ACACA: variants seen among roughly 807,000 people sequenced by gnomAD.
ACACA encodes the protein acetyl-CoA carboxylase alpha, also known as acetyl-CoA carboxylase 1.
A neutral mutation model predicts 296.1 loss-of-function variants in ACACA; 103 were observed. That is an observed-to-expected ratio of 0.35 (90% CI 0.30 to 0.41). The LOEUF (loss-of-function observed/expected upper bound fraction) is 0.41. Ranked by LOEUF, ACACA falls within the 10% of genes least tolerant of loss-of-function variation. ACACA has a pLI of 1.00. For synonymous variants in ACACA, 953 were observed against 1,038.6 expected (o/e 0.92, Z 1.58); for missense variants, 1,554 against 2,989.7 (o/e 0.52, Z 11.20).
chr17:37,400,756 G>C (rs1206626821), intron 1 of ACACA, among the ~76,000 whole-genome samples: 1 of 151,960 alleles, frequency 6.6e-6, no homozygotes, highest in African/African-American at 2.4e-5. Context: ...GTGTGTGTGT[G>C]TGTGTATCTA....
chr17:37,296,092 G>A (rs1439695266), intron 3 of ACACA, among the ~76,000 whole-genome samples: 1 of 152,098 alleles, frequency 6.6e-6, no homozygotes, highest in East Asian at 1.9e-4. Flanking sequence ...TACACCCTGT[G>A]TAAATAAAGA....
chr17:37,244,883 T>A, intron 20 of ACACA, 149 bp from the exon 21 acceptor site: 1 of 1,369,716 alleles, frequency 7.3e-7, no homozygotes, highest in South Asian at 1.2e-5. Flanking sequence ...ATAAGGAAAT[T>A]ACAGAATCTT....
intron 52 of ACACA, among the ~76,000 whole-genome samples, chr17:37,102,454 G>C (rs764455217): frequency 1.3e-5 from 2 of 151,956 alleles, no homozygotes; most frequent in Non-Finnish European, 2.9e-5. Context: ...TGCCTGCCTC[G>C]GCCTCCAAAA....
In ACACA at chr17:37,098,068, C is replaced by T. The variant is rs542513435; in HGVS notation, c.6566-84G>A. ...AAAGCAGCCACAATCACGGGAAGCTCAACATCAGCCTGCCCCCTCTTCCCT... is the reference window on the plus strand; with the variant it reads ...AAAGCAGCCACAATCACGGGAAGCTTAACATCAGCCTGCCCCCTCTTCCCT... On this transcript the variant is annotated intron_variant, in intron 52 of 55. Coordinates refer to ENST00000616317, the MANE Select transcript of ACACA (RefSeq NM_198834.3). 5.2e-5 allele frequency: 81 copies of T among 1,543,844 alleles called. No homozygotes were observed. In the South Asian group the frequency reaches 8.4e-4, roughly 16 times the overall value.
At chr17:37,245,634 T>C (rs961427258) in intron 19 of ACACA, among the ~76,000 whole-genome samples, 4 of 152,078 alleles carry the variant, frequency 2.6e-5, no homozygotes, top group African/African-American at 9.7e-5. Flanking sequence ...TTCTAAACCT[T>C]TCTCAAAAAT....
intron 1 of ACACA, among the ~76,000 whole-genome samples, chr17:37,400,740 C>CTGTGTGTGTG (rs71135716): frequency 1.2e-4 from 17 of 147,558 alleles, no homozygotes; most frequent in Middle Eastern, 6.8e-3. Flanking sequence ...GTGTGTGTGT[C>CTGTGTGTGTG]TGTGTGTGTG....
chr17:37,339,766 T>C, intron 2 of ACACA, 38 bp downstream of exon 2: 1 of 1,256,924 alleles, frequency 8.0e-7, no homozygotes, highest in South Asian at 1.2e-5. Context: ...ACAAAATTTT[T>C]ATCACATTGT....
chr17:37,272,194 A>T (rs1169649485), intron 9 of ACACA, among the ~76,000 whole-genome samples: 1 of 152,016 alleles, frequency 6.6e-6, no homozygotes, highest in Admixed American at 6.6e-5. Flanking sequence ...AAATACAAAA[A>T]TTAGCTGGGC....
In ACACA at chr17:37,374,616, A is replaced by G. The variant is rs1202922526; in HGVS notation, c.38+31646T>C. Reference sequence around the variant, plus strand: ...ATTCTCTTTTATGCTCCATCTATCTATGCCATGACAAAGTCTACAGATTAT... The same window carrying G: ...ATTCTCTTTTATGCTCCATCTATCTGTGCCATGACAAAGTCTACAGATTAT... On this transcript the variant is annotated intron_variant, in intron 1 of 55. Transcript: ENST00000616317. 2.6e-5 allele frequency among the ~76,000 whole-genome samples: 4 copies of G among 152,204 alleles called. No homozygotes were observed. The East Asian group carries it at 5.8e-4, about 22-fold the overall frequency.
chr17:37,303,261 G>A (rs1044612424), intron 3 of ACACA, among the ~76,000 whole-genome samples: 1 of 152,120 alleles, frequency 6.6e-6, no homozygotes, highest in African/African-American at 2.4e-5. Flanking sequence ...TATAATATGT[G>A]GCCTTTTGTG....
intron 50 of ACACA, among the ~76,000 whole-genome samples, chr17:37,114,254 T>G (rs1277577103): frequency 6.6e-6 from 1 of 151,724 alleles, no homozygotes; most frequent in Non-Finnish European, 1.5e-5. Flanking sequence ...AAGACTACAC[T>G]TTGTAGACTG....
chr17:37,099,588 GCA>G (rs2073225666), intron 52 of ACACA, among the ~76,000 whole-genome samples: 1 of 148,192 alleles, frequency 6.7e-6, no homozygotes, highest in Non-Finnish European at 1.5e-5. Flanking sequence ...AGGGCTGATG[GCA>G]GGAGGGCTGA....
chr17:37,209,051 C>G (rs1244089863), intron 30 of ACACA, among the ~76,000 whole-genome samples: 2 of 152,238 alleles, frequency 1.3e-5, no homozygotes, highest in Non-Finnish European at 2.9e-5. Flanking sequence ...TAGAGACTGA[C>G]ACTCCAGGTT....
chr17:37,224,180 C>A (rs1299643102), intron 27 of ACACA, among the ~76,000 whole-genome samples: 1 of 152,144 alleles, frequency 6.6e-6, no homozygotes, highest in Non-Finnish European at 1.5e-5. Context: ...CCAGCCTGGG[C>A]AACAGAGTGA....
Position 37,122,637 on chromosome 17 carries a change from C to T in ACACA, c.6042-10G>A. 1 of 1,611,120 alleles carries T rather than the reference C, an allele frequency of 6.2e-7. No individual in the cohort carries two copies. Among genetic ancestry groups the T allele is most frequent in the Non-Finnish European group, 8.5e-7 (1 of 1,177,232 alleles). On this transcript the variant is annotated splice_polypyrimidine_tract_variant and intron_variant, in intron 48 of 55. Coordinates refer to ENST00000616317, the MANE Select transcript of ACACA (RefSeq NM_198834.3). Reference sequence around the variant, plus strand: ...AGGTATTCCTCCTAGCCTGATAAAACATGAGTCACATAAGAACCCAATGTA... The same window carrying T: ...AGGTATTCCTCCTAGCCTGATAAAATATGAGTCACATAAGAACCCAATGTA...
intron 3 of ACACA, among the ~76,000 whole-genome samples, chr17:37,318,514 T>C (rs1309077431): frequency 6.6e-6 from 1 of 152,202 alleles, no homozygotes; most frequent in African/African-American, 2.4e-5. Flanking sequence ...GTGCTGGGAT[T>C]ACAGGCGTGA....
Position 37,161,868 on chromosome 17 carries a change from T to G in ACACA, c.5262A>C (p.Ser1754=). ...RAEGIPRIYV[S]ANSGARIGLA... is the part of the protein sequence containing the mutation. ...GTCCGATTCTTGCTCCACTGTTGGC[T>G]GATACATAGATGCGTGGAATACCTT... The change falls in exon 42 of 56, where the codon TCA becomes TCC. Residue 1754 remains serine (S), a synonymous_variant. Coordinates refer to ENST00000616317, the MANE Select transcript of ACACA (RefSeq NM_198834.3). 6.2e-7 allele frequency: 1 copy of G among 1,614,196 alleles called. No individual in the cohort carries two copies. The highest frequency in any genetic ancestry group is 8.5e-7 in the Non-Finnish European group (1 of 1,180,026).
intron 1 of ACACA, among the ~76,000 whole-genome samples, chr17:37,383,152 GCTGTGT>G (rs926683292): frequency 1.3e-5 from 2 of 152,202 alleles, no homozygotes; most frequent in African/African-American, 2.4e-5. Context: ...GTCCATGGCA[GCTGTGT>G]TGGGGAAAAG....
chr17:37,158,668 C>A lies in ACACA; in HGVS notation c.5350-2888G>T, dbSNP rs80047724. Among the ~76,000 whole-genome samples, 12 of 152,036 alleles carry A rather than the reference C, an allele frequency of 7.9e-5. No homozygotes were observed. The East Asian group carries it at 2.1e-3, about 27-fold the overall frequency. On this transcript the variant is annotated intron_variant, in intron 42 of 55. Coordinates refer to ENST00000616317, the MANE Select transcript of ACACA (RefSeq NM_198834.3). ...AAAACAAAAAAACAGGATGAGATCA[C>A]CAAGGGAAGGTGAATAGGAAAAGAG...
Sources: allele counts gnomAD v4.1 joint callset (sites outside exome capture counted in the v4.1 genomes callset), GRCh38; gene constraint gnomAD v4.1.1; transcripts MANE v1.5; gene names NCBI Gene and HGNC (gene_info 2026-07-23, HGNC 2026-07-21).